The following AXL variants were observed in gnomAD, a reference collection of about 807,000 sequenced individuals.
AXL encodes the protein tyrosine-protein kinase receptor UFO.
Under a neutral mutation model 104.5 loss-of-function variants are expected in AXL, and 52 were observed. That is an observed-to-expected ratio of 0.50 (90% CI 0.40 to 0.63). The LOEUF is 0.63. Among genes scored for constraint, AXL ranks in the 20% least tolerant of loss-of-function variants. The pLI, the probability that AXL is intolerant of heterozygous loss-of-function variation, is 0.00. For synonymous variants in AXL, 455 were observed against 473.7 expected, an observed-to-expected ratio of 0.96 and a Z score of 0.51; for missense variants, 1,024 against 1,188.5, an observed-to-expected ratio of 0.86 and a Z score of 2.04.
At chr19:41,239,593 C>A in intron 9 of AXL, 101 bp from the exon 10 acceptor site, 1 of 1,396,670 alleles carries the variant, frequency 7.2e-7, no homozygotes, top group Non-Finnish European at 9.7e-7. Flanking sequence ...TCGTGCCACA[C>A]CCTCACTCCC....
intron 9 of AXL, 125 bp from the exon 10 acceptor site, chr19:41,239,569 C>T (rs1216901820): frequency 2.2e-6 from 3 of 1,339,762 alleles, no homozygotes; most frequent in Admixed American, 1.7e-5. Context: ...CGTGCCAAAC[C>T]TTCACTCCCT....
rs201188110 is a variant in AXL at position 41,259,894 on chromosome 19, A to C, written c.2675A>C (p.Asp892Ala). 28 of 1,575,004 alleles carry C rather than the reference A, an allele frequency of 1.8e-5. No individual in the cohort carries two copies. The African/African-American group carries it at 3.8e-4, about 21-fold the overall frequency. Residue 892 changes from aspartate to alanine, a missense_variant, in exon 20 of 20, where the codon GAT (aspartate) becomes GCT (alanine). Coordinates refer to ENST00000301178, the MANE Select transcript of AXL (RefSeq NM_021913.5). ...RGSPAAPGQE[D>A]GA ...TCCCCAGCAGCCCCAGGGCAGGAGGATGGTGCCTGAGACAACCCTCCACCT... is the reference window on the plus strand; with the variant it reads ...TCCCCAGCAGCCCCAGGGCAGGAGGCTGGTGCCTGAGACAACCCTCCACCT...
chr19:41,221,202 G>T lies in AXL; in HGVS notation c.365G>T (p.Gly122Val). ...CAGTACCAGTGTTTGGTGTTTCTGG[G>T]ACATCAGACCTTCGTGTCCCAGCCT... Reference protein sequence around the residue: ...TGQYQCLVFLGHQTFVSQPGY... With the variant: ...TGQYQCLVFLVHQTFVSQPGY... Residue 122 changes from glycine (G) to valine (V), a missense_variant, in exon 3 of 20, where the codon GGA becomes GTA. Physicochemically the swap from Gly to Val is moderately radical, Grantham distance 109 (BLOSUM62 -3). Coordinates refer to ENST00000301178, the MANE Select transcript of AXL (RefSeq NM_021913.5). 1 of 1,614,072 alleles carries T rather than the reference G, an allele frequency of 6.2e-7. No individual in the cohort carries two copies. The highest frequency in any genetic ancestry group is 1.1e-5 in the South Asian group (1 of 91,062).
chr19:41,257,085 C>T (rs1400387411), intron 18 of AXL, among the ~76,000 whole-genome samples: 1 of 151,904 alleles, frequency 6.6e-6, no homozygotes, highest in Non-Finnish European at 1.5e-5. Flanking sequence ...GCACTGTCAC[C>T]CAGGCTGCAG....
rs562521053 is a variant in AXL at position 41,238,209 on chromosome 19, A to G, written c.994+55A>G. On this transcript the variant is annotated intron_variant, in intron 7 of 19. Transcript: ENST00000301178. ...CACTGCCCCACCGGACCTTGCTTAT[A>G]TCAGTGCCACCCCCATTGTCCCCTT... The G allele has an allele frequency of 4.4e-6, 7 of 1,579,212 alleles. No individual in the cohort carries two copies. In the East Asian group the frequency reaches 1.6e-4, roughly 35 times the overall value.
intron 12 of AXL, among the ~76,000 whole-genome samples, chr19:41,247,225 C>T (rs993715501): frequency 2.6e-5 from 4 of 152,194 alleles, no homozygotes; most frequent in Non-Finnish European, 5.9e-5. Flanking sequence ...TGAAAATCCA[C>T]TGAGTTGGCC....
Position 41,238,018 on chromosome 19 carries a change from A to G in AXL, c.858A>G (p.Gln286=). 1 of 1,613,814 alleles carries G rather than the reference A, an allele frequency of 6.2e-7. No individual in the cohort carries two copies. ...CCCCAGAGGAGCCCCTCACCTCGCA[A>G]GCATCCGTGCCCCCCCATCAGCTTC... ...PDPPEEPLTS[Q]ASVPPHQLRL... The change falls in exon 7 of 20, where the codon CAA becomes CAG. Residue 286 remains glutamine, a synonymous_variant. Coordinates refer to ENST00000301178, the MANE Select transcript of AXL (RefSeq NM_021913.5).
At chr19:41,229,645 G>A (rs935367042) in intron 4 of AXL, among the ~76,000 whole-genome samples, 1 of 152,170 alleles carries the variant, frequency 6.6e-6, no homozygotes, top group Admixed American at 6.6e-5. Context: ...AAGAGGGTGC[G>A]AGTCATGTAG....
In AXL at chr19:41,261,704, C is replaced by CA. The variant is rs2034546578; in HGVS notation, c.*1801dup. 1 of 152,576 alleles carries CA rather than the reference C, an allele frequency of 6.6e-6. No homozygotes were observed. The highest frequency in any genetic ancestry group is 2.4e-5 in the African/African-American group (1 of 41,428). 9.5% of individuals were successfully genotyped at this position (152,576 alleles called of 1,614,324 possible). On this transcript the variant is annotated 3_prime_UTR_variant, in exon 20 of 20. Coordinates refer to ENST00000301178, the MANE Select transcript of AXL (RefSeq NM_021913.5). Reference sequence around the variant, plus strand: ...GAGCCAATCCCTCACCTTCTGAGTACAGAGTGTGGACTCTGGTGCCTCCAG... The same window carrying CA: ...GAGCCAATCCCTCACCTTCTGAGTACAAGAGTGTGGACTCTGGTGCCTCCAG...
chr19:41,259,085 T>A (rs2034496497), intron 19 of AXL, among the ~76,000 whole-genome samples: 1 of 152,138 alleles, frequency 6.6e-6, no homozygotes, highest in African/African-American at 2.4e-5. Context: ...TATGACCTAG[T>A]CTCAGAAGTC....
intron 19 of AXL, among the ~76,000 whole-genome samples, chr19:41,258,378 AT>A (rs35570314): frequency 0.14 from 21,501 of 152,246 alleles, 1,669 homozygotes; most frequent in East Asian, 0.28. Context: ...TATCATTATG[AT>A]TCCCATTCTG....
intron 9 of AXL, 75 bp from the exon 10 acceptor site, chr19:41,239,619 C>G: frequency 1.9e-6 from 3 of 1,580,426 alleles, no homozygotes; most frequent in Middle Eastern, 1.7e-4. Context: ...CGTGCCACAC[C>G]CTTACTCCCT....
At chr19:41,230,149 C>CTT (rs1555729832) in intron 4 of AXL, among the ~76,000 whole-genome samples, 2 of 150,334 alleles carry the variant, frequency 1.3e-5, no homozygotes, top group Non-Finnish European at 3.0e-5. Context: ...GTGGCTGTGT[C>CTT]TGTTTCTGTG....
At chr19:41,221,742 C>T (rs2033794326) in intron 3 of AXL, 138 bp from the exon 4 acceptor site, 1 of 889,562 alleles carries the variant, frequency 1.1e-6, no homozygotes, top group South Asian at 1.8e-5. Flanking sequence ...GGCTCAGGTG[C>T]CCTCGGGGAT....
In AXL at chr19:41,248,608, G is replaced by C. The variant is rs776870017; in HGVS notation, c.1632G>C (p.Glu544Asp). The C allele has an allele frequency of 1.1e-5, 18 of 1,613,956 alleles. No homozygotes were observed. Residue 544 changes from glutamate to aspartate, a missense_variant and splice_region_variant, in exon 13 of 20, where the codon GAG (glutamate) becomes GAC (aspartate). Glu to Asp is a conservative substitution (Grantham distance 45, BLOSUM62 2). Around this residue, in one of 5 missense-constraint regions of AXL, gnomAD observed 523 missense variants for 636.0 expected, o/e 0.82. Coordinates refer to ENST00000301178, the MANE Select transcript of AXL (RefSeq NM_021913.5). ...TGGCCCTGGGGAAGACTCTGGGAGA[G>C]GGTGAGTCCCCCGGCAGCATACACA... ...HKVALGKTLG[E>D]GEFGAVMEGQ...
Position 41,239,641 on chromosome 19 carries a change from C to T in AXL, c.1286-53C>T, listed in dbSNP as rs375715765. The stretch of plus-strand genomic sequence containing the variant: ...CACCCTTACTCCCTTACCCGTGCCA[C>T]GCCAGTCTTGTCCTCTCTGAGCACA... On this transcript the variant is annotated intron_variant, in intron 9 of 19. Coordinates refer to ENST00000301178, the MANE Select transcript of AXL (RefSeq NM_021913.5). The T allele has an allele frequency of 2.1e-4, 342 of 1,611,540 alleles. No homozygotes were observed. The African/African-American group carries it at 3.4e-3, about 16-fold the overall frequency.
intron 18 of AXL, among the ~76,000 whole-genome samples, chr19:41,256,936 G>C (rs2034462069): frequency 6.6e-6 from 1 of 152,226 alleles, no homozygotes; most frequent in African/African-American, 2.4e-5. Flanking sequence ...TGGCACATGA[G>C]CTCATGTGTC....
chr19:41,256,064 G>A (rs2034447094), intron 17 of AXL, among the ~76,000 whole-genome samples: 1 of 149,338 alleles, frequency 6.7e-6, no homozygotes, highest in South Asian at 2.1e-4. Flanking sequence ...TTCTTAATCT[G>A]GGTGCTGGTT....
At position 41,243,610 on chromosome 19, in the gene AXL, C is replaced by T. The variant is rs1599736741; in HGVS notation, c.1446-6C>T. The T allele has an allele frequency of 6.2e-7, 1 of 1,613,480 alleles. No homozygotes were observed. The highest frequency in any genetic ancestry group is 8.5e-7 in the Non-Finnish European group (1 of 1,179,424). On this transcript the variant is annotated splice_region_variant and splice_polypyrimidine_tract_variant and intron_variant, in intron 11 of 19. Coordinates refer to ENST00000301178, the MANE Select transcript of AXL (RefSeq NM_021913.5). ...CCTGCCCTCACCTACTCCCCCTCCCCCCCAGAGAAGTGTTTGAACCAACAG... is the reference window on the plus strand; with the variant it reads ...CCTGCCCTCACCTACTCCCCCTCCCTCCCAGAGAAGTGTTTGAACCAACAG...
Sources: gnomAD v4.1 joint callset for allele counts (sites outside exome capture counted in the v4.1 genomes callset) on GRCh38, gnomAD v4.1.1 for gene constraint, gnomAD v4.1.1 regional missense constraint, MANE v1.5 for transcripts, NCBI Gene and HGNC (gene_info 2026-07-23, HGNC 2026-07-21) for gene names.